Variants in COL4A4 observed in about 807,000 individuals in gnomAD.
COL4A4 encodes collagen type IV alpha 4 chain, also known as collagen alpha-4(IV) chain.
In COL4A4, 105 loss-of-function variants were observed where a neutral mutation model predicts 192.9. The ratio of observed to expected loss-of-function variants is 0.54; its 90% CI spans 0.46 to 0.64. COL4A4 has a LOEUF of 0.64. COL4A4 is among the 30% of genes least tolerant of loss of function. The pLI, the probability that COL4A4 is intolerant of heterozygous loss-of-function variation, is 0.00. For missense variants in COL4A4, 1,967 were observed against 2,169.3 expected (o/e 0.91, Z 1.85); for synonymous variants, 762 against 769.9 (o/e 0.99, Z 0.17).
intron 4 of COL4A4, 64 bp from the exon 5 acceptor site, chr2:227,121,212 A>G (rs1576663897): frequency 1.1e-5 from 17 of 1,555,302 alleles, no homozygotes; most frequent in African/African-American, 1.1e-4. Flanking sequence ...TAACACAAAC[A>G]TATACTCATT....
chr2:226,988,801 A>T, the COL4A4 span: 2 of 736,120 alleles, frequency 2.7e-6, no homozygotes, highest in Non-Finnish European at 3.3e-6. Context: ...TTTAGAAAAT[A>T]CTTGAGAGTT....
At chr2:227,041,848 G>GAAAGAGAGAGAGAGAGAGAGAA (rs1243663359) in intron 37 of COL4A4, among the ~76,000 whole-genome samples, 3 of 38,736 alleles carry the variant, frequency 7.7e-5, no homozygotes, top group South Asian at 9.4e-4. Context: ...AAGAAAGAAA[G>GAAAGAGAGAGAGAGAGAGAGAA]AGAAAGAAAG....
intron 4 of COL4A4, among the ~76,000 whole-genome samples, chr2:227,132,111 G>T (rs983255054): frequency 2.6e-5 from 4 of 152,210 alleles, no homozygotes; most frequent in Admixed American, 2.6e-4. Context: ...ATTCCACCCG[G>T]TTCAAGCTCA....
intron 12 of COL4A4, among the ~76,000 whole-genome samples, chr2:227,105,226 T>TA (rs1279945753): frequency 7.1e-6 from 1 of 141,484 alleles, no homozygotes; most frequent in Non-Finnish European, 1.5e-5. Flanking sequence ...GAGTGTTCTC[T>TA]GTCACTCAGG....
chr2:227,002,669 G>A (rs1320407), downstream of COL4A4: 5 of 152,380 alleles, frequency 3.3e-5, no homozygotes, highest in Admixed American at 6.5e-5. Context: ...AAGTAAACCC[G>A]CATTGGCTTG....
At chr2:226,994,990 G>A in the COL4A4 span, among the ~76,000 whole-genome samples, 11 of 152,134 alleles carry the variant, frequency 7.2e-5, no homozygotes, top group African/African-American at 2.4e-4. Flanking sequence ...GGCAGGAGGC[G>A]GCACATTAGA....
chr2:226,981,620 G>A, the COL4A4 span, among the ~76,000 whole-genome samples: 3 of 151,988 alleles, frequency 2.0e-5, no homozygotes, highest in African/African-American at 7.3e-5. Flanking sequence ...TAGGATTTGG[G>A]AGAGGGATAA....
chr2:226,977,209 G>A, the COL4A4 span, among the ~76,000 whole-genome samples: 1 of 152,158 alleles, frequency 6.6e-6, no homozygotes, highest in Non-Finnish European at 1.5e-5. Context: ...TGGTTTCCCA[G>A]TTCAGTTTGT....
Position 227,007,140 on chromosome 2 carries a change from C to G in COL4A4, c.*185G>C. 1 of 796,024 alleles carries G rather than the reference C, an allele frequency of 1.3e-6. No homozygotes were observed. Among genetic ancestry groups the G allele is most frequent in the Non-Finnish European group, 2.1e-6 (1 of 472,104 alleles). The allele number at this position is 796,024 out of a possible 1,614,324, so 49.3% of individuals were successfully genotyped here. ...CCTAGATTGGGAGGTCCAAACAAAT[C>G]CATCTGTGCAGCATTTGCTTAATGT... On this transcript the variant is annotated 3_prime_UTR_variant, in exon 48 of 48. Transcript: ENST00000396625.
At chr2:226,992,480 T>C in the COL4A4 span, among the ~76,000 whole-genome samples, 1 of 152,226 alleles carries the variant, frequency 6.6e-6, no homozygotes, top group East Asian at 1.9e-4. Context: ...AGAGCTGGCA[T>C]GATTACAAAT....
chr2:227,024,312 A>G (rs991024126), intron 43 of COL4A4, among the ~76,000 whole-genome samples: 4 of 152,174 alleles, frequency 2.6e-5, no homozygotes, highest in African/African-American at 9.7e-5. Context: ...GGAGTTCAAG[A>G]CCAGCCTGGG....
rs776396958 is a variant in COL4A4 at position 227,121,085 on chromosome 2, C to T, written c.256G>A (p.Gly86Arg). 2 of 1,614,184 alleles carry T rather than the reference C, an allele frequency of 1.2e-6. No homozygotes were observed. Among genetic ancestry groups the T allele is most frequent in the South Asian group, 2.2e-5 (2 of 91,084 alleles). Residue 86 changes from glycine (G) to arginine (R), a missense_variant, in exon 5 of 48, where the codon GGG becomes AGG. Transcript: ENST00000396625. The stretch of plus-strand genomic sequence containing the variant: ...CTCATTCCTTTCTCTCCTGAAAGCC[C>T]AATGGGTCCTGGGGCTCCCAGGGGT... The part of the protein sequence containing the change: ...IGPLGAPGPI[G>R]LSGEKGMRGD...
chr2:227,105,061 A>G (rs545108189), intron 12 of COL4A4, among the ~76,000 whole-genome samples: 29 of 152,084 alleles, frequency 1.9e-4, no homozygotes, highest in African/African-American at 7.0e-4. Context: ...TCAGAATACT[A>G]TAATAAATAT....
chr2:227,135,923 C>A (rs978916409), intron 4 of COL4A4, among the ~76,000 whole-genome samples: 12 of 152,222 alleles, frequency 7.9e-5, no homozygotes, highest in African/African-American at 2.6e-4. Flanking sequence ...GGATTACAGG[C>A]GTGAACCACC....
At chr2:227,037,029 C>A (rs2150027789) in intron 37 of COL4A4, among the ~76,000 whole-genome samples, 1 of 152,236 alleles carries the variant, frequency 6.6e-6, no homozygotes, top group South Asian at 2.1e-4. Context: ...CAACTAGGAA[C>A]TGGGTGTTCT....
chr2:227,115,889 A>G (rs1009842627), intron 7 of COL4A4, among the ~76,000 whole-genome samples: 4 of 151,498 alleles, frequency 2.6e-5, no homozygotes, highest in Admixed American at 2.0e-4. Context: ...ACCATTGTGT[A>G]TTGAGTACTT....
chr2:227,155,294 AC>A (rs1400332476), intron 1 of COL4A4, among the ~76,000 whole-genome samples: 4 of 151,684 alleles, frequency 2.6e-5, no homozygotes, highest in African/African-American at 9.7e-5. Flanking sequence ...CAGTTCACCC[AC>A]CATCTGGCAA....
chr2:227,070,875 TAATAAATAAATA>T (rs146033855), intron 25 of COL4A4, among the ~76,000 whole-genome samples: 1 of 149,736 alleles, frequency 6.7e-6, no homozygotes, highest in Non-Finnish European at 1.5e-5. Flanking sequence ...TAAAGTATAA[TAATAAATAAATA>T]AATAAATAAA....
intron 44 of COL4A4, among the ~76,000 whole-genome samples, chr2:227,012,724 G>A (rs1228887081): frequency 6.6e-6 from 1 of 151,752 alleles, no homozygotes; most frequent in African/African-American, 2.4e-5. Flanking sequence ...ATGGAGAAAT[G>A]AATGAAACTT....
Sources: allele counts gnomAD v4.1 joint callset (sites outside exome capture counted in the v4.1 genomes callset), GRCh38; gene constraint gnomAD v4.1.1; transcripts MANE v1.5; gene names NCBI Gene and HGNC (gene_info 2026-07-23, HGNC 2026-07-21).